The following DOCK1 variants were observed in gnomAD, a reference collection of about 807,000 sequenced individuals.
DOCK1 encodes dedicator of cytokinesis 1.
DOCK1 carries 138 observed loss-of-function variants against 262.7 expected under a neutral mutation model. The observed-to-expected ratio is 0.53, with a 90% CI of 0.46 to 0.61. The LOEUF is 0.61. Among genes scored for constraint, DOCK1 ranks in the 20% least tolerant of loss-of-function variants. The pLI is 0.00. For missense variants in DOCK1, 1,908 were observed against 2,370.7 expected, an observed-to-expected ratio of 0.80 and a Z score of 4.05; for synonymous variants, 866 against 867.4, an observed-to-expected ratio of 1.00 and a Z score of 0.03.
chr10:127,270,872 C>T (rs555741278), intron 29 of DOCK1, among the ~76,000 whole-genome samples: 3 of 152,286 alleles, frequency 2.0e-5, no homozygotes, highest in Admixed American at 2.0e-4. Context: ...TTGTGTTAAA[C>T]TCGCCTTTCC....
intron 38 of DOCK1, among the ~76,000 whole-genome samples, chr10:127,390,680 T>C (rs1384911593): frequency 2.0e-5 from 3 of 151,850 alleles, no homozygotes; most frequent in Non-Finnish European, 4.4e-5. Flanking sequence ...TCCAGAACAG[T>C]GAGGAAGTGA....
chr10:127,427,756 G>A (rs539891565), intron 47 of DOCK1, among the ~76,000 whole-genome samples: 63 of 152,324 alleles, frequency 4.1e-4, no homozygotes, highest in Middle Eastern at 3.4e-3. Context: ...AAGGTAATTT[G>A]GTTATGATCA....
At chr10:127,148,030 CAAAAAAAA>C (rs57503481) in intron 27 of DOCK1, among the ~76,000 whole-genome samples, 7 of 63,278 alleles carry the variant, frequency 1.1e-4, no homozygotes, top group African/African-American at 1.3e-4. Context: ...GACTCTGTCT[CAAAAAAAA>C]AAAAAAAAAA....
At position 126,947,411 on chromosome 10, in the gene DOCK1, G is replaced by A. The variant is rs1204408061; in HGVS notation, c.47-23291G>A. 1.2e-4 allele frequency among the ~76,000 whole-genome samples: 17 copies of A among 139,796 alleles called. No individual in the cohort carries two copies. The East Asian group carries it at 2.1e-3, about 17-fold the overall frequency. The allele number at this position is 139,796 out of a possible 152,430, so 91.7% of individuals were successfully genotyped here. A position where few individuals can be genotyped will look rare whatever the true frequency, so the allele number is the denominator to read the frequency against. On this transcript the variant is annotated intron_variant, in intron 1 of 51. Transcript: ENST00000623213. The stretch of plus-strand genomic sequence containing the variant: ...GTAGTTGGTAGTATTACTGTTGGTG[G>A]TGATGGTGGTGGTTGGTAGTATTAC...
intron 14 of DOCK1, among the ~76,000 whole-genome samples, chr10:127,024,463 G>A (rs1591709019): frequency 6.6e-6 from 1 of 152,168 alleles, no homozygotes; most frequent in African/African-American, 2.4e-5. Flanking sequence ...TCATCCCCAT[G>A]TGTCATAACC....
intron 38 of DOCK1, among the ~76,000 whole-genome samples, chr10:127,385,783 T>C (rs1041797841): frequency 1.3e-5 from 2 of 152,204 alleles, no homozygotes; most frequent in African/African-American, 4.8e-5. Flanking sequence ...TGGCGGTCTC[T>C]GGCACTGGTC....
intron 1 of DOCK1, among the ~76,000 whole-genome samples, chr10:126,907,587 C>T (rs916609406): frequency 9.9e-5 from 15 of 152,106 alleles, no homozygotes; most frequent in African/African-American, 3.4e-4. Context: ...CTCTTTGGGA[C>T]GCCACATTTT....
At chr10:126,937,129 C>T (rs1028109325) in intron 1 of DOCK1, among the ~76,000 whole-genome samples, 1 of 152,106 alleles carries the variant, frequency 6.6e-6, no homozygotes, top group Non-Finnish European at 1.5e-5. Flanking sequence ...TAGTTTAAAG[C>T]CCTAATGGTT....
At chr10:127,042,754 C>A (rs751035863) in intron 20 of DOCK1, 40 bp downstream of exon 20, 5 of 1,593,080 alleles carry the variant, frequency 3.1e-6, no homozygotes, top group Admixed American at 3.3e-5. Flanking sequence ...GATAACACAG[C>A]GTTCTTCCAT....
At position 127,263,515 on chromosome 10, in the gene DOCK1, A is replaced by T. The variant is rs536690122; in HGVS notation, c.3044+6086A>T. Among the ~76,000 whole-genome samples, 3 of 152,354 alleles carry T rather than the reference A, an allele frequency of 2.0e-5. No individual in the cohort carries two copies. The East Asian group carries it at 5.8e-4, about 29-fold the overall frequency. ...GTGCTCTAGGATATGAGAGTACCAG[A>T]TGGCAAGATGACATTTAAGATGAGC... On this transcript the variant is annotated intron_variant, in intron 29 of 51. Coordinates refer to ENST00000623213, the MANE Select transcript of DOCK1 (RefSeq NM_001290223.2).
intron 27 of DOCK1, among the ~76,000 whole-genome samples, chr10:127,233,887 G>C (rs75429128): frequency 6.6e-6 from 1 of 151,922 alleles, no homozygotes; most frequent in South Asian, 2.1e-4. Context: ...ATGTGATTTC[G>C]GCTGCTCCAT....
intron 4 of DOCK1, among the ~76,000 whole-genome samples, chr10:126,986,948 G>A (rs1043287957): frequency 3.3e-5 from 5 of 152,084 alleles, no homozygotes; most frequent in Admixed American, 6.5e-5. Flanking sequence ...CTTTTGGGGC[G>A]GAGGAAAAAG....
intron 37 of DOCK1, 47 bp downstream of exon 37, chr10:127,381,415 C>A: frequency 2.0e-6 from 3 of 1,521,466 alleles, no homozygotes; most frequent in Non-Finnish European, 2.7e-6. Context: ...GTTATAAATT[C>A]TAACAATATT....
intron 1 of DOCK1, among the ~76,000 whole-genome samples, chr10:126,915,719 G>C (rs2032407879): frequency 6.6e-6 from 1 of 152,142 alleles, no homozygotes; most frequent in African/African-American, 2.4e-5. Flanking sequence ...CCAAAGTGCT[G>C]GGATTACAGG....
chr10:126,970,295 C>A (rs2038001722), intron 1 of DOCK1, among the ~76,000 whole-genome samples: 2 of 152,130 alleles, frequency 1.3e-5, no homozygotes, highest in Non-Finnish European at 2.9e-5. Context: ...ATTGTAAAAT[C>A]TATTGGCTTA....
chr10:127,142,245 A>G (rs1433537383), intron 27 of DOCK1, among the ~76,000 whole-genome samples: 1 of 152,206 alleles, frequency 6.6e-6, no homozygotes, highest in African/African-American at 2.4e-5. Flanking sequence ...TTCTACAGCC[A>G]CACGGGCACG....
chr10:127,214,673 G>A (rs61874055), intron 27 of DOCK1, among the ~76,000 whole-genome samples: 9,089 of 152,238 alleles, frequency 0.06, 387 homozygotes, highest in Non-Finnish European at 0.097. Flanking sequence ...GCACACCTGC[G>A]GGAGAGCGCC....
chr10:127,104,339 T>C (rs2136206508), intron 23 of DOCK1, among the ~76,000 whole-genome samples: 1 of 152,360 alleles, frequency 6.6e-6, no homozygotes, highest in Admixed American at 6.5e-5. Flanking sequence ...CTAAGAAATC[T>C]TTGCTTAGCC....
chr10:126,986,380 T>A (rs2039387222), intron 4 of DOCK1, among the ~76,000 whole-genome samples: 1 of 152,210 alleles, frequency 6.6e-6, no homozygotes, highest in Non-Finnish European at 1.5e-5. Context: ...GGGTTGTAGG[T>A]GGGAACTATT....
Sources: gnomAD v4.1 joint callset for allele counts (sites outside exome capture counted in the v4.1 genomes callset) on GRCh38, gnomAD v4.1.1 for gene constraint, MANE v1.5 for transcripts, NCBI Gene and HGNC (gene_info 2026-07-23, HGNC 2026-07-21) for gene names.